The following ZNF701 variants were observed in gnomAD, a reference collection of about 807,000 sequenced individuals.
The protein encoded by ZNF701 is zinc finger protein 701.
Under a neutral mutation model 7.1 loss-of-function variants are expected in ZNF701, and 6 were observed. That is an observed-to-expected ratio of 0.84 (90% CI 0.46 to 1.66). ZNF701 has a LOEUF of 1.66. ZNF701 is among the 40% of genes most tolerant of loss of function. The probability of loss-of-function intolerance (pLI) is 0.01; values close to 1 mark genes in which losing one functional copy is unlikely to be tolerated. For synonymous variants in ZNF701, 166 were observed against 188.2 expected (o/e 0.88, Z 0.97); for missense variants, 541 against 559.2 (o/e 0.97, Z 0.33).
At chr19:52,571,409 G>GAGGAGGC (rs1568499186) in intron 1 of ZNF701, among the ~76,000 whole-genome samples, 1 of 152,028 alleles carries the variant, frequency 6.6e-6, no homozygotes, top group East Asian at 1.9e-4. Context: ...CAGGGAGAGC[G>GAGGAGGC]GCAGAGATGC....
chr19:52,585,712 C>G lies in ZNF701; in HGVS notation c.*2255C>G, dbSNP rs1253767779. The G allele has an allele frequency of 6.6e-6, 1 of 152,144 alleles. No individual in the cohort carries two copies. Among genetic ancestry groups the G allele is most frequent in the Non-Finnish European group, 1.5e-5 (1 of 68,038 alleles). The allele number at this position is 152,144 out of a possible 1,614,324, so 9.4% of individuals were successfully genotyped here. On this transcript the variant is annotated 3_prime_UTR_variant, in exon 4 of 4. Transcript: ENST00000391785. ...TGGAGGTTATTTTTTTTTGAGGTCCCTATGGGCTACCCCTTATCTGGATGA... is the reference window on the plus strand; with the variant it reads ...TGGAGGTTATTTTTTTTTGAGGTCCGTATGGGCTACCCCTTATCTGGATGA...
chr19:52,597,760 T>G, the ZNF701 span: 1 of 204,528 alleles, frequency 4.9e-6, no homozygotes. Context: ...GTGATCGTCA[T>G]CTTGAGGGCA....
chr19:52,588,187 T>G (rs1233059658), downstream of ZNF701, among the ~76,000 whole-genome samples: 1 of 151,940 alleles, frequency 6.6e-6, no homozygotes, highest in African/African-American at 2.4e-5. Context: ...GAGGGAGTGA[T>G]TTCTAAACAC....
At chr19:52,594,803 G>A in the ZNF701 span, among the ~76,000 whole-genome samples, 18 of 151,996 alleles carry the variant, frequency 1.2e-4, no homozygotes, top group African/African-American at 4.3e-4. Context: ...ATGAGCCACC[G>A]CACCTGGCCC....
At chr19:52,590,674 C>G (rs575468294), downstream of ZNF701, among the ~76,000 whole-genome samples, 21 of 152,082 alleles carry the variant, frequency 1.4e-4, no homozygotes, top group Non-Finnish European at 1.2e-4. Flanking sequence ...GTCACTTTAT[C>G]CTCTGCTCTC....
the ZNF701 span, among the ~76,000 whole-genome samples, chr19:52,599,403 G>A: frequency 1.3e-5 from 2 of 152,110 alleles, no homozygotes; most frequent in Admixed American, 1.3e-4. Context: ...AGAGGAATGT[G>A]GTCAGGCAAC....
downstream of ZNF701, among the ~76,000 whole-genome samples, chr19:52,591,039 C>G (rs2060034895): frequency 6.6e-6 from 1 of 152,070 alleles, no homozygotes; most frequent in African/African-American, 2.4e-5. Context: ...GGGGTTTTAC[C>G]ATGTTGGCCA....
chr19:52,580,343 A>C lies in ZNF701; in HGVS notation c.143-1859A>C, dbSNP rs1176150198. On this transcript the variant is annotated intron_variant, in intron 3 of 3. Coordinates refer to ENST00000391785, the MANE Select transcript of ZNF701 (RefSeq NM_018260.3). ...TTTTCATGCCTTTTTATTTTAAAAA[A>C]TTTAGTTCTGAACTGGGATTACAGG... Among the ~76,000 whole-genome samples, 3 of 152,062 alleles carry C rather than the reference A, an allele frequency of 2.0e-5. No individual in the cohort carries two copies. The East Asian group carries it at 5.8e-4, about 29-fold the overall frequency.
At position 52,582,312 on chromosome 19, in the gene ZNF701, A is replaced by T. The variant is rs762744793; in HGVS notation, c.253A>T (p.Thr85Ser). The change falls in exon 4 of 4, where the codon ACT becomes TCT. Residue 85 changes from threonine (T) to serine (S), a missense_variant. By Grantham distance (58) the Thr-to-Ser change is moderately conservative (BLOSUM62 1). Transcript: ENST00000391785. ...ACATGCAAGTCATCACATTGGAGAT[A>T]CTTGCTTCCAGGAAATTGAGAAAGA... ...QIHASHHIGD[T>S]CFQEIEKDIH... The T allele has an allele frequency of 4.3e-6, 7 of 1,614,104 alleles. No homozygotes were observed. Among genetic ancestry groups the T allele is most frequent in the Non-Finnish European group, 5.9e-6 (7 of 1,179,990 alleles).
chr19:52,578,999 G>A (rs777628643), intron 3 of ZNF701, among the ~76,000 whole-genome samples: 1 of 148,000 alleles, frequency 6.8e-6, no homozygotes, highest in East Asian at 2.0e-4. Context: ...ACCCGCCTTA[G>A]CCTCCCAATG....
Position 52,575,932 on chromosome 19 carries a change from C to G in ZNF701, c.53C>G (p.Ser18Cys). The G allele has an allele frequency of 6.4e-7, 1 of 1,562,042 alleles. No homozygotes were observed. Among genetic ancestry groups the G allele is most frequent in the Non-Finnish European group, 8.6e-7 (1 of 1,156,600 alleles). Residue 18 changes from serine to cysteine, a missense_variant, in exon 3 of 4, where the codon TCT becomes TGT. Transcript: ENST00000391785. ...TTCAGGGATGTGGCCATAGAATTCT[C>G]TCAGGAGGAGTGGAAATGCCTGGAC... ...LTFRDVAIEF[S>C]QEEWKCLDPA...
chr19:52,588,152 G>C (rs1161801660), downstream of ZNF701, among the ~76,000 whole-genome samples: 1 of 151,924 alleles, frequency 6.6e-6, no homozygotes, highest in Non-Finnish European at 1.5e-5. Flanking sequence ...GGTCTCCCCT[G>C]TGTGTGTGTT....
Position 52,582,211 on chromosome 19 carries a change from C to G in ZNF701, c.152C>G (p.Ser51Cys), listed in dbSNP as rs749667418. 3.2e-6 allele frequency: 5 copies of G among 1,578,550 alleles called. No individual in the cohort carries two copies. Among genetic ancestry groups the G allele is most frequent in the Non-Finnish European group, 4.3e-6 (5 of 1,163,132 alleles). The change falls in exon 4 of 4, where the codon TCC becomes TGC. Residue 51 changes from serine (S) to cysteine (C), a missense_variant. Physicochemically the swap from Ser to Cys is moderately radical, Grantham distance 112 (BLOSUM62 -1). Coordinates refer to ENST00000391785, the MANE Select transcript of ZNF701 (RefSeq NM_018260.3). ...YRNLVSLDTS[S>C]KCMMKMFSST... The stretch of plus-strand genomic sequence containing the variant: ...TGTTTATATTTTGTAGATACCTCTT[C>G]CAAATGCATGATGAAGATGTTCTCA...
At position 52,586,416 on chromosome 19, in the gene ZNF701, G is replaced by C. The variant is rs1240862263; in HGVS notation, c.*2959G>C. 6.6e-6 allele frequency: 1 copy of C among 151,988 alleles called. No homozygotes were observed. The highest frequency in any genetic ancestry group is 2.4e-5 in the African/African-American group (1 of 41,368). 9.4% of individuals were successfully genotyped at this position (151,988 alleles called of 1,614,324 possible). On this transcript the variant is annotated 3_prime_UTR_variant, in exon 4 of 4. Transcript: ENST00000391785. ...CTCATGCCTGTCATCCCAGCACTTTGTGAGGCCGATTCTCCTCTATCCAGG... is the reference window on the plus strand; with the variant it reads ...CTCATGCCTGTCATCCCAGCACTTTCTGAGGCCGATTCTCCTCTATCCAGG...
downstream of ZNF701, chr19:52,588,536 G>T: frequency 1.2e-5 from 4 of 334,974 alleles, no homozygotes; most frequent in South Asian, 3.0e-5. Context: ...ACACAGGATT[G>T]ATTTCCAAAG....
At chr19:52,593,910 T>C in the ZNF701 span, 135 of 134,406 alleles carry the variant, frequency 1.0e-3, 37 homozygotes, top group African/African-American at 3.3e-3. Context: ...ACTTCCCAGA[T>C]GGGGTGGTGG....
chr19:52,598,933 A>G, the ZNF701 span: 1 of 152,178 alleles, frequency 6.6e-6, no homozygotes, highest in African/African-American at 2.4e-5. Context: ...AATGAGAGGT[A>G]TAAGTCCTCC....
Position 52,582,191 on chromosome 19 carries a change from A to C in ZNF701, c.143-11A>C. The C allele has an allele frequency of 1.3e-6, 2 of 1,555,914 alleles. No homozygotes were observed. The highest frequency in any genetic ancestry group is 1.7e-6 in the Non-Finnish European group (2 of 1,153,218). On this transcript the variant is annotated splice_polypyrimidine_tract_variant and intron_variant, in intron 3 of 3. Transcript: ENST00000391785. ...CTTAATTTGAAACCTATTTGTGTTTATATTTTGTAGATACCTCTTCCAAAT... is the reference window on the plus strand; with the variant it reads ...CTTAATTTGAAACCTATTTGTGTTTCTATTTTGTAGATACCTCTTCCAAAT...
rs2060001988 is a variant in ZNF701 at position 52,585,202 on chromosome 19, C to A, written c.*1745C>A. The A allele has an allele frequency of 6.6e-6, 1 of 152,358 alleles. No individual in the cohort carries two copies. The highest frequency in any genetic ancestry group is 2.4e-5 in the African/African-American group (1 of 41,456). 9.4% of individuals were successfully genotyped at this position (152,358 alleles called of 1,614,324 possible). On this transcript the variant is annotated 3_prime_UTR_variant, in exon 4 of 4. Coordinates refer to ENST00000391785, the MANE Select transcript of ZNF701 (RefSeq NM_018260.3). ...TGTAGCGAAACTTTCCTTCTCAAAA[C>A]CCTTCCCGACCCGTCCTCCCGCCTC...
Sources: gnomAD v4.1 joint callset for allele counts (sites outside exome capture counted in the v4.1 genomes callset) on GRCh38, gnomAD v4.1.1 for gene constraint, MANE v1.5 for transcripts, NCBI Gene and HGNC (gene_info 2026-07-23, HGNC 2026-07-21) for gene names.